Variants in TTLL3 observed in about 807,000 individuals in gnomAD.
TTLL3 encodes tubulin tyrosine ligase like 3, also known as tubulin monoglycylase TTLL3.
Under a neutral mutation model 75.2 loss-of-function variants are expected in TTLL3, and 63 were observed. The observed-to-expected ratio is 0.84, with a 90% CI of 0.68 to 1.03. The LOEUF (loss-of-function observed/expected upper bound fraction) is 1.03, where lower values mean the gene tolerates loss of function less well. Ranked by LOEUF, TTLL3 falls within the 50% of genes least tolerant of loss-of-function variation. TTLL3 has a pLI of 0.00. For synonymous variants in TTLL3, 393 were observed against 418.5 expected (o/e 0.94, Z 0.74); for missense variants, 997 against 1,069.9 (o/e 0.93, Z 0.95).
intron 4 of TTLL3, among the ~76,000 whole-genome samples, chr3:9,815,598 C>T (rs1056504236): frequency 2.2e-4 from 33 of 152,258 alleles, no homozygotes; most frequent in African/African-American, 8.0e-4. Flanking sequence ...TCACTGATGA[C>T]CATGGGCCAG....
intron 6 of TTLL3, 136 bp downstream of exon 6, chr3:9,817,895 C>T: frequency 8.7e-7 from 1 of 1,144,846 alleles, no homozygotes; most frequent in South Asian, 1.5e-5. Flanking sequence ...TTTCCACCCT[C>T]AATCCTTATC....
chr3:9,821,057 A>C (rs376794948), intron 8 of TTLL3: 1 of 338,920 alleles, frequency 3.0e-6, no homozygotes, highest in African/African-American at 2.1e-5. Flanking sequence ...TTTGTGGTCC[A>C]TCACATTTGG....
upstream of TTLL3, chr3:9,810,162 GCGCCGCTCCGAGTTCCGTC>G: frequency 6.8e-7 from 1 of 1,471,330 alleles, no homozygotes; most frequent in Non-Finnish European, 8.9e-7. This position sits in a 1 kb window ranked among gnomAD's most constrained non-coding sequence, Gnocchi z 4.4. Flanking sequence ...TCCCCTCGGC[GCGCCGCTCCGAGTTCCGTC>G]CACCCAGGAG....
rs1463618554 is a variant in TTLL3 at position 9,825,795 on chromosome 3, C to A, written c.855-5C>A. 6.2e-7 allele frequency: 1 copy of A among 1,614,014 alleles called. No homozygotes were observed. Among genetic ancestry groups the A allele is most frequent in the Admixed American group, 1.7e-5 (1 of 59,992 alleles). ...CCCTGCCCAAGTTCTATCATTTCCC[C>A]ACAGCGAAGGGGCAGAACTCAGGCA... On this transcript the variant is annotated splice_region_variant and splice_polypyrimidine_tract_variant and intron_variant, in intron 8 of 13. Coordinates refer to ENST00000685419, the MANE Select transcript of TTLL3 (RefSeq NM_001387446.1).
Position 9,829,327 on chromosome 3 carries a change from C to T in TTLL3, c.1615C>T (p.Arg539Cys), listed in dbSNP as rs542914086. Reference protein sequence around the residue: ...LCAGVQADTLRVVIDRMLDRN... With the variant: ...LCAGVQADTLCVVIDRMLDRN... ...TGCTGGCGTGCAAGCTGACACCCTG[C>T]GCGTGGTCATTGACCGGATGCTGGA... Residue 539 changes from arginine to cysteine, a missense_variant, in exon 11 of 14, where the codon CGC becomes TGC. By Grantham distance (180) the Arg-to-Cys change is radical. Transcript: ENST00000685419. 71 of 1,613,012 alleles carry T rather than the reference C, an allele frequency of 4.4e-5. No individual in the cohort carries two copies. Among genetic ancestry groups the T allele is most frequent in the East Asian group, 1.6e-4 (7 of 44,842 alleles).
Position 9,835,411 on chromosome 3 carries a change from G to A in TTLL3, c.2370G>A (p.Gly790=), listed in dbSNP as rs2081974163. Residue 790 remains glycine (G), a synonymous_variant, in exon 14 of 14, where the codon GGG becomes GGA. Coordinates refer to ENST00000685419, the MANE Select transcript of TTLL3 (RefSeq NM_001387446.1). ...PNKKKQVKYL[G]LDSIAVGGSR... ...AAAAGAAACAAGTGAAGTATTTGGGGCTTGACTCCATTGCTGTTGGAGGGT... is the reference window on the plus strand; with the variant it reads ...AAAAGAAACAAGTGAAGTATTTGGGACTTGACTCCATTGCTGTTGGAGGGT... 6.2e-7 allele frequency: 1 copy of A among 1,613,228 alleles called. No homozygotes were observed. The highest frequency in any genetic ancestry group is 8.5e-7 in the Non-Finnish European group (1 of 1,180,044).
rs1476603356 is a variant in TTLL3 at position 9,810,735 on chromosome 3, GA to G, written c.48+29del. On this transcript the variant is annotated intron_variant, in intron 2 of 13. Transcript: ENST00000685419. The surrounding 1 kb of genome is among the most constrained non-coding windows in gnomAD (Gnocchi z 4.4). ...GTCAGAGGAGGGGCAGGGGCGCTTAGAAAGGGCCCTGGGAGCGGCTCAGCCT... is the reference window on the plus strand; with the variant it reads ...GTCAGAGGAGGGGCAGGGGCGCTTAGAAGGGCCCTGGGAGCGGCTCAGCCT... The G allele has an allele frequency of 5.1e-6, 8 of 1,568,382 alleles. No individual in the cohort carries two copies. In the South Asian group the frequency reaches 9.4e-5, roughly 18 times the overall value.
chr3:9,833,443 G>A (rs554973042), intron 12 of TTLL3, among the ~76,000 whole-genome samples, 198 bp downstream of exon 12: 2 of 152,306 alleles, frequency 1.3e-5, no homozygotes, highest in South Asian at 4.1e-4. Flanking sequence ...CACCAGGATG[G>A]GCTGCATTTT....
intron 12 of TTLL3, among the ~76,000 whole-genome samples, chr3:9,833,914 C>G (rs886872986): frequency 6.6e-6 from 1 of 151,852 alleles, no homozygotes; most frequent in African/African-American, 2.4e-5. Flanking sequence ...AGTTCGAGAC[C>G]AGCCTGGCCA....
chr3:9,829,061 TC>T lies in TTLL3; in HGVS notation c.1351del (p.Gln451ArgfsTer21). 1 of 1,614,254 alleles carries T rather than the reference TC, an allele frequency of 6.2e-7. No homozygotes were observed. Among genetic ancestry groups the T allele is most frequent in the Non-Finnish European group, 8.5e-7 (1 of 1,180,046 alleles). ...PPDNMWSSQR[F>X]QAHLQEMGAP... Reference sequence around the variant, plus strand: ...GACAACATGTGGTCTAGCCAGAGGTTCCAGGCCCACCTGCAGGAGATGGGTG... The same window carrying T: ...GACAACATGTGGTCTAGCCAGAGGTTCAGGCCCACCTGCAGGAGATGGGTG... On this transcript the variant is annotated frameshift_variant, in exon 11 of 14. Coordinates refer to ENST00000685419, the MANE Select transcript of TTLL3 (RefSeq NM_001387446.1). LOFTEE classifies it high-confidence loss of function.
At position 9,813,278 on chromosome 3, in the gene TTLL3, C is replaced by T. The variant is rs1249930049; in HGVS notation, c.248C>T (p.Pro83Leu). 6.2e-7 allele frequency: 1 copy of T among 1,614,116 alleles called. No individual in the cohort carries two copies. Among genetic ancestry groups the T allele is most frequent in the Non-Finnish European group, 8.5e-7 (1 of 1,180,052 alleles). ...EDEDEDEEFQ[P>L]SQLFDFDDLL... ...GAAGATGAGGACGAGGAGTTCCAGC[C>T]ATCACAGCTGTTCGACTTCGATGAT... The change falls in exon 4 of 14, where the codon CCA becomes CTA. Residue 83 changes from proline (P) to leucine (L), a missense_variant. Transcript: ENST00000685419.
chr3:9,813,824 A>C (rs1254355555), intron 4 of TTLL3, among the ~76,000 whole-genome samples: 1 of 152,112 alleles, frequency 6.6e-6, no homozygotes, highest in African/African-American at 2.4e-5. Flanking sequence ...ATAGGCCCAC[A>C]GAGTGGGGAG....
chr3:9,824,464 G>A (rs2080819766), intron 8 of TTLL3, among the ~76,000 whole-genome samples: 1 of 152,346 alleles, frequency 6.6e-6, no homozygotes, highest in South Asian at 2.1e-4. Context: ...ACACTGGAGT[G>A]CAATGGCGCG....
chr3:9,810,272 C>T lies in TTLL3; in HGVS notation c.-164C>T, dbSNP rs1275861958. ...AGATGCCAGGCGGGCAGCCCCGCCC[C>T]TGCGCGCCGCCTCAGCGGCGCCTTC... On this transcript the variant is annotated 5_prime_UTR_variant, in exon 1 of 14. Coordinates refer to ENST00000685419, the MANE Select transcript of TTLL3 (RefSeq NM_001387446.1). The surrounding 1 kb of genome is among the most constrained non-coding windows in gnomAD (Gnocchi z 4.4). The T allele has an allele frequency of 1.0e-5, 15 of 1,506,932 alleles. 1 individual carries two copies. Among genetic ancestry groups the T allele is most frequent in the Middle Eastern group, 2.3e-4 (1 of 4,326 alleles). The allele number at this position is 1,506,932 out of a possible 1,614,324, so 93.3% of individuals were successfully genotyped here.
chr3:9,815,438 A>T (rs1022618745), intron 4 of TTLL3, among the ~76,000 whole-genome samples: 1 of 152,238 alleles, frequency 6.6e-6, no homozygotes, highest in African/African-American at 2.4e-5. Flanking sequence ...TGCTTAGAGC[A>T]GGGCCCAGCA....
chr3:9,825,689 G>A, intron 8 of TTLL3, 111 bp from the exon 9 acceptor site: 1 of 1,596,408 alleles, frequency 6.3e-7, no homozygotes, highest in Non-Finnish European at 8.5e-7. Flanking sequence ...GGGAGGGCGT[G>A]ACCAAGGCTG....
At chr3:9,819,009 A>G in intron 7 of TTLL3, 89 bp downstream of exon 7, 1 of 1,540,570 alleles carries the variant, frequency 6.5e-7, no homozygotes, top group Non-Finnish European at 8.9e-7. Flanking sequence ...CTATCTATTC[A>G]TCCACGCACC....
chr3:9,813,411 G>A, intron 4 of TTLL3, 66 bp downstream of exon 4: 3 of 1,577,220 alleles, frequency 1.9e-6, no homozygotes, highest in South Asian at 2.2e-5. Context: ...TTGGTGTCCA[G>A]CTGGGTGACC....
At chr3:9,813,493 G>A in intron 4 of TTLL3, 148 bp downstream of exon 4, 1 of 927,242 alleles carries the variant, frequency 1.1e-6, no homozygotes. Context: ...TTAAAGGCTG[G>A]ATAGAGCTGG....
Sources: allele counts gnomAD v4.1 joint callset (sites outside exome capture counted in the v4.1 genomes callset), GRCh38; gene constraint gnomAD v4.1.1; non-coding constraint Gnocchi (gnomAD v3.1); transcripts MANE v1.5; gene names NCBI Gene and HGNC (gene_info 2026-07-23, HGNC 2026-07-21).